MYO3B: variants seen among roughly 807,000 people sequenced by gnomAD.
The protein encoded by MYO3B is myosin IIIB, also known as myosin-IIIb.
A neutral mutation model predicts 174.6 loss-of-function variants in MYO3B; 156 were observed. The observed-to-expected ratio is 0.89, with a 90% confidence interval of 0.78 to 1.02. The LOEUF (loss-of-function observed/expected upper bound fraction) is 1.02. MYO3B is among the 50% of genes least tolerant of loss of function. The pLI is 0.00. For synonymous variants in MYO3B, 563 were observed against 569.1 expected (o/e 0.99, Z 0.15); for missense variants, 1,632 against 1,639.4 (o/e 1.00, Z 0.08).
intron 32 of MYO3B, among the ~76,000 whole-genome samples, chr2:170,554,788 A>C (rs1300818577): frequency 6.6e-6 from 1 of 152,204 alleles, no homozygotes; most frequent in African/African-American, 2.4e-5. Flanking sequence ...GATGCCAAAC[A>C]ACACAAGGCG....
chr2:170,606,570 C>G (rs1323980150), intron 32 of MYO3B, among the ~76,000 whole-genome samples: 1 of 152,174 alleles, frequency 6.6e-6, no homozygotes, highest in African/African-American at 2.4e-5. Flanking sequence ...AATGAAATCT[C>G]CATGAAGGTA....
Position 170,519,724 on chromosome 2 carries a change from C to A in MYO3B, c.3575+184C>A, listed in dbSNP as rs1688545684. On this transcript the variant is annotated intron_variant, in intron 30 of 34. Transcript: ENST00000408978. ...TGGTGGCTCATGCCTGTAATCCCAG[C>A]ACTTTGTGGGGGCCGAGGTGGGTGG... The A allele has an allele frequency of 1.4e-5, 7 of 516,612 alleles. No homozygotes were observed. In the Admixed American group the frequency reaches 1.9e-4, roughly 14 times the overall value. The allele number at this position is 516,612 out of a possible 1,614,324, so 32.0% of individuals were successfully genotyped here. A position where few individuals can be genotyped will look rare whatever the true frequency, so the allele number is the denominator to read the frequency against.
At chr2:170,240,844 C>T (rs1029888249) in intron 7 of MYO3B, among the ~76,000 whole-genome samples, 10 of 152,242 alleles carry the variant, frequency 6.6e-5, no homozygotes, top group South Asian at 4.1e-4. Flanking sequence ...ATTTATGACC[C>T]GCAAACCAGA....
intron 17 of MYO3B, 68 bp downstream of exon 17, chr2:170,400,382 T>C: frequency 1.3e-6 from 2 of 1,511,522 alleles, no homozygotes; most frequent in Non-Finnish European, 1.8e-6. Context: ...CTGTAAAATA[T>C]AATGCAGCAT....
In MYO3B at chr2:170,362,911, A is replaced by T. The variant is rs115810984; in HGVS notation, c.816-6311A>T. On this transcript the variant is annotated intron_variant, in intron 8 of 34. Coordinates refer to ENST00000408978, the MANE Select transcript of MYO3B (RefSeq NM_138995.5). ...TTTTGAGAAAATGCCTGTTTGTCAT[A>T]GTCTTGTCTTGCAGAATGGAAATTT... Among the ~76,000 whole-genome samples the T allele has an allele frequency of 1.9e-3, 282 of 152,298 alleles. 1 individual carries two copies. The highest frequency in any genetic ancestry group is 6.7e-3 in the African/African-American group (277 of 41,554).
At chr2:170,633,151 T>C (rs940526800) in intron 32 of MYO3B, among the ~76,000 whole-genome samples, 2 of 152,214 alleles carry the variant, frequency 1.3e-5, no homozygotes, top group Non-Finnish European at 2.9e-5. Context: ...TACCAAAGCC[T>C]GGCAGAGACA....
At chr2:170,438,574 A>G (rs1163060553) in intron 22 of MYO3B, among the ~76,000 whole-genome samples, 1 of 152,158 alleles carries the variant, frequency 6.6e-6, no homozygotes, top group East Asian at 1.9e-4. Flanking sequence ...TAATTTCTCT[A>G]CATCCTCTTT....
chr2:170,369,391 T>C lies in MYO3B; in HGVS notation c.971+14T>C, dbSNP rs754960132. 3.7e-6 allele frequency: 6 copies of C among 1,604,012 alleles called. No homozygotes were observed. The highest frequency in any genetic ancestry group is 2.7e-5 in the African/African-American group (2 of 74,636). ...TGCTAAAACCAGGTACTGTACTCTC[T>C]TTCTTCTTTCTCCCTGTGGTTGTTT... On this transcript the variant is annotated intron_variant, in intron 9 of 34. Transcript: ENST00000408978.
chr2:170,296,407 G>C (rs1214427089), intron 7 of MYO3B, among the ~76,000 whole-genome samples: 1 of 152,156 alleles, frequency 6.6e-6, no homozygotes, highest in Non-Finnish European at 1.5e-5. Flanking sequence ...CACTCACATG[G>C]TACACCACAA....
intron 7 of MYO3B, among the ~76,000 whole-genome samples, chr2:170,299,138 G>T (rs2093648348): frequency 6.6e-6 from 1 of 152,078 alleles, no homozygotes; most frequent in Admixed American, 6.5e-5. Context: ...TTATGCTTTG[G>T]AACAACACTA....
intron 32 of MYO3B, among the ~76,000 whole-genome samples, chr2:170,617,580 T>C (rs996588364): frequency 6.6e-6 from 1 of 152,310 alleles, no homozygotes; most frequent in Admixed American, 6.5e-5. Context: ...ATACCAGTCA[T>C]AGCTATTGTT....
chr2:170,442,497 C>CTTTTTTTTTTTTTTTTTT (rs34632756), intron 22 of MYO3B, among the ~76,000 whole-genome samples: 1 of 136,866 alleles, frequency 7.3e-6, no homozygotes, highest in Non-Finnish European at 1.6e-5. Context: ...AGGAGGTGTT[C>CTTTTTTTTTTTTTTTTTT]TTTTTTTTTT....
rs1691235959 is a variant in MYO3B at position 170,555,684 on chromosome 2, C to T, written c.3733+11696C>T. On this transcript the variant is annotated intron_variant, in intron 32 of 34. Coordinates refer to ENST00000408978, the MANE Select transcript of MYO3B (RefSeq NM_138995.5). ...GCCAAGAGTTTAAGACCAGCCTGGA[C>T]AACACAGCAACACCCTGTCTCTACA... Among the ~76,000 whole-genome samples, 5 of 150,898 alleles carry T rather than the reference C, an allele frequency of 3.3e-5. No homozygotes were observed. The South Asian group carries it at 1.1e-3, about 32-fold the overall frequency.
rs137991864 is a variant in MYO3B at position 170,264,388 on chromosome 2, G to A, written c.749+28252G>A. Among the ~76,000 whole-genome samples the A allele has an allele frequency of 7.1e-4, 108 of 152,344 alleles. 2 individuals carry two copies. In the East Asian group the frequency reaches 0.015, roughly 21 times the overall value. Reference sequence around the variant, plus strand: ...GAGGGTCCTCTCCCAGTACAGGAAAGCAGAGCTGCAGATCTTGTAAGGCTC... The same window carrying A: ...GAGGGTCCTCTCCCAGTACAGGAAAACAGAGCTGCAGATCTTGTAAGGCTC... On this transcript the variant is annotated intron_variant, in intron 7 of 34. Transcript: ENST00000408978.
chr2:170,198,709 A>T (rs1028858989), intron 1 of MYO3B, among the ~76,000 whole-genome samples: 5 of 152,194 alleles, frequency 3.3e-5, no homozygotes, highest in African/African-American at 9.7e-5. Context: ...GTTATCTAAC[A>T]TAGAGCGAGG....
At chr2:170,507,146 A>G (rs938092568) in intron 28 of MYO3B, among the ~76,000 whole-genome samples, 15 of 152,230 alleles carry the variant, frequency 9.9e-5, no homozygotes, top group African/African-American at 3.1e-4. Context: ...TGTTTTCCGT[A>G]TCCACATATC....
intron 8 of MYO3B, among the ~76,000 whole-genome samples, chr2:170,358,106 C>T (rs147164807): frequency 2.6e-5 from 4 of 151,170 alleles, no homozygotes; most frequent in Non-Finnish European, 4.4e-5. Context: ...GAGCCGAGAT[C>T]GCACCATTGC....
intron 7 of MYO3B, among the ~76,000 whole-genome samples, chr2:170,266,455 T>C (rs983979981): frequency 1.3e-5 from 2 of 152,198 alleles, no homozygotes; most frequent in Non-Finnish European, 2.9e-5. Context: ...CTACTAGAAA[T>C]TATAACTCTG....
At chr2:170,554,387 C>T (rs1470878237) in intron 32 of MYO3B, among the ~76,000 whole-genome samples, 1 of 152,198 alleles carries the variant, frequency 6.6e-6, no homozygotes, top group Non-Finnish European at 1.5e-5. Flanking sequence ...CTTTTCTCCA[C>T]CCTCAGCCAG....
Sources: allele counts gnomAD v4.1 joint callset (sites outside exome capture counted in the v4.1 genomes callset), GRCh38; gene constraint gnomAD v4.1.1; transcripts MANE v1.5; gene names NCBI Gene and HGNC (gene_info 2026-07-23, HGNC 2026-07-21).